Variants in MACROD1 observed in about 807,000 individuals in gnomAD.
MACROD1 encodes the protein mono-ADP ribosylhydrolase 1.
MACROD1 carries 31 observed loss-of-function variants against 41.4 expected under a neutral mutation model. The ratio of observed to expected loss-of-function variants is 0.75; its 90% CI spans 0.56 to 1.01. MACROD1 has a LOEUF of 1.01. Among genes scored for constraint, MACROD1 ranks in the 50% least tolerant of loss-of-function variants. The pLI is 0.00. For missense variants in MACROD1, 473 were observed against 460.0 expected (o/e 1.03, Z -0.26); for synonymous variants, 252 against 203.4 (o/e 1.24, Z -2.03).
intron 4 of MACROD1, among the ~76,000 whole-genome samples, chr11:64,013,882 G>T (rs1034174574): frequency 1.3e-5 from 2 of 152,064 alleles, no homozygotes; most frequent in Non-Finnish European, 2.9e-5. Context: ...TCATGCCTAC[G>T]CATCCCTCAG....
chr11:64,020,955 G>A (rs1943144259), intron 3 of MACROD1, among the ~76,000 whole-genome samples: 1 of 152,068 alleles, frequency 6.6e-6, no homozygotes, highest in African/African-American at 2.4e-5. Context: ...GAGCTCAGGT[G>A]ATCCACCCAC....
intron 3 of MACROD1, among the ~76,000 whole-genome samples, chr11:64,077,448 T>G (rs1215974484): frequency 6.6e-6 from 1 of 152,084 alleles, no homozygotes; most frequent in Non-Finnish European, 1.5e-5. Flanking sequence ...GCTTCTTGGT[T>G]TTTAAAGACC....
intron 1 of MACROD1, among the ~76,000 whole-genome samples, chr11:64,163,137 A>G (rs1945782866): frequency 6.8e-6 from 1 of 146,402 alleles, no homozygotes; most frequent in African/African-American, 2.5e-5. Flanking sequence ...AAACAAACAA[A>G]CAAACAAACA....
rs964455828 is a variant in MACROD1 at position 64,166,012 on chromosome 11, C to T, written c.-18G>A. On this transcript the variant is annotated 5_prime_UTR_variant, in exon 1 of 11. Coordinates refer to ENST00000255681, the MANE Select transcript of MACROD1 (RefSeq NM_014067.4). The stretch of plus-strand genomic sequence containing the variant: ...AGAGACATGAGCGGGCGGCGCGGGA[C>T]GGCTCTCCGCCCACTTGGACTCTAT... 4 of 1,256,544 alleles carry T rather than the reference C, an allele frequency of 3.2e-6. No homozygotes were observed. Among genetic ancestry groups the T allele is most frequent in the Non-Finnish European group, 4.0e-6 (4 of 1,003,782 alleles). The allele number at this position is 1,256,544 out of a possible 1,614,324, so 77.8% of individuals were successfully genotyped here.
intron 3 of MACROD1, among the ~76,000 whole-genome samples, chr11:64,024,276 T>C (rs886152067): frequency 6.6e-6 from 1 of 152,196 alleles, no homozygotes; most frequent in Non-Finnish European, 1.5e-5. Flanking sequence ...TGATGACACA[T>C]TTATCAAATA....
At chr11:64,069,697 G>A (rs1462054022) in intron 3 of MACROD1, among the ~76,000 whole-genome samples, 1 of 152,208 alleles carries the variant, frequency 6.6e-6, no homozygotes, top group Non-Finnish European at 1.5e-5. Flanking sequence ...AGGCAGAGCA[G>A]GCGGTGGTGG....
At chr11:64,028,330 AGCCTGGTCCCT>A (rs1363216933) in intron 3 of MACROD1, among the ~76,000 whole-genome samples, 1 of 152,132 alleles carries the variant, frequency 6.6e-6, no homozygotes, top group East Asian at 1.9e-4. Context: ...ACAGGACCCT[AGCCTGGTCCCT>A]GCCTGCCTGC....
intron 3 of MACROD1, among the ~76,000 whole-genome samples, chr11:64,136,666 C>T (rs1227348097): frequency 6.6e-6 from 1 of 152,360 alleles, no homozygotes; most frequent in East Asian, 1.9e-4. Flanking sequence ...GAGGGACCCC[C>T]CGCCACCGAC....
At chr11:64,032,063 G>A (rs1943303013) in intron 3 of MACROD1, among the ~76,000 whole-genome samples, 1 of 152,166 alleles carries the variant, frequency 6.6e-6, no homozygotes, top group Admixed American at 6.5e-5. Context: ...ATGCCTGGAT[G>A]CCCAGCACAG....
intron 3 of MACROD1, among the ~76,000 whole-genome samples, chr11:64,083,489 C>G (rs987457572): frequency 6.6e-6 from 1 of 152,216 alleles, no homozygotes; most frequent in Non-Finnish European, 1.5e-5. Context: ...TGAACCCCAG[C>G]CTGTCCGCTT....
intron 3 of MACROD1, among the ~76,000 whole-genome samples, chr11:64,021,140 C>A (rs902870280): frequency 6.6e-6 from 1 of 152,212 alleles, no homozygotes; most frequent in Admixed American, 6.5e-5. Context: ...TGAAGGAGCC[C>A]GTGGACATTA....
intron 3 of MACROD1, among the ~76,000 whole-genome samples, chr11:64,035,392 GATGAATGA>G (rs983105900): frequency 7.9e-5 from 12 of 152,212 alleles, no homozygotes; most frequent in East Asian, 3.9e-4. Flanking sequence ...CGGGTGGACG[GATGAATGA>G]ATGAATGAAT....
rs11820414 is a variant in MACROD1, at chr11:64,038,087, G to A, written c.518-22806C>T. On this transcript the variant is annotated intron_variant, in intron 3 of 10. Coordinates refer to ENST00000255681, the MANE Select transcript of MACROD1 (RefSeq NM_014067.4). ...CCTCACGCTGGCCCTCAGTGGCAGC[G>A]CCCTGTGTCCCCTCCTCCCCATCTC... Among the ~76,000 whole-genome samples, 1,386 of 152,224 alleles carry A rather than the reference G, an allele frequency of 9.1e-3. 26 individuals are homozygous for A. Among genetic ancestry groups the A allele is most frequent in the African/African-American group, 0.032 (1,319 of 41,522 alleles).
At chr11:64,157,480 T>A (rs972922107) in intron 1 of MACROD1, among the ~76,000 whole-genome samples, 1 of 152,236 alleles carries the variant, frequency 6.6e-6, no homozygotes, top group Admixed American at 6.5e-5. Context: ...TTATTTGTTA[T>A]AAAAGATGTA....
chr11:64,139,068 A>T (rs1365891830), intron 3 of MACROD1, among the ~76,000 whole-genome samples: 1 of 151,894 alleles, frequency 6.6e-6, no homozygotes, highest in Non-Finnish European at 1.5e-5. Flanking sequence ...CGCCCGGCCC[A>T]CTGATGGGTT....
At chr11:64,098,716 C>T (rs1014204661) in intron 3 of MACROD1, among the ~76,000 whole-genome samples, 5 of 152,192 alleles carry the variant, frequency 3.3e-5, no homozygotes, top group Non-Finnish European at 7.3e-5. Flanking sequence ...TCTCCTAGCT[C>T]GCACCAGCTC....
intron 5 of MACROD1, 63 bp from the exon 6 acceptor site, chr11:63,999,826 C>T (rs1341408388): frequency 1.3e-6 from 2 of 1,544,058 alleles, no homozygotes; most frequent in African/African-American, 2.7e-5. Context: ...CCTCGCTTCC[C>T]CCTGCCGGCC....
In MACROD1 at chr11:64,040,359, G is replaced by A. The variant is rs368902375; in HGVS notation, c.518-25078C>T. On this transcript the variant is annotated intron_variant, in intron 3 of 10. Transcript: ENST00000255681. ...CAGGGACAGAAACAAGGGCCTGGAG[G>A]ACAGGATGGATGGAGAGGGCTGCAT... Among the ~76,000 whole-genome samples the A allele has an allele frequency of 2.0e-5, 3 of 152,174 alleles. No individual in the cohort carries two copies. The East Asian group carries it at 5.8e-4, about 29-fold the overall frequency.
At chr11:64,057,398 G>A (rs1181012680) in intron 3 of MACROD1, among the ~76,000 whole-genome samples, 1 of 152,206 alleles carries the variant, frequency 6.6e-6, no homozygotes, top group Admixed American at 6.5e-5. Flanking sequence ...AACCTCATGG[G>A]GAGTGACCCA....
Sources: gnomAD v4.1 joint callset for allele counts (sites outside exome capture counted in the v4.1 genomes callset) on GRCh38, gnomAD v4.1.1 for gene constraint, MANE v1.5 for transcripts, NCBI Gene and HGNC (gene_info 2026-07-23, HGNC 2026-07-21) for gene names.